Variants in PRKAA2 observed in about 807,000 individuals in gnomAD.
The protein encoded by PRKAA2 is protein kinase AMP-activated catalytic subunit alpha 2.
PRKAA2 carries 40 observed loss-of-function variants against 56.3 expected under a neutral mutation model. The ratio of observed to expected loss-of-function variants is 0.71; its 90% CI spans 0.55 to 0.92. The LOEUF (loss-of-function observed/expected upper bound fraction) is 0.92, where lower values mean the gene tolerates loss of function less well. PRKAA2 is among the 40% of genes least tolerant of loss of function. PRKAA2 has a pLI of 0.00. For synonymous variants in PRKAA2, 214 were observed against 234.2 expected, an observed-to-expected ratio of 0.91 and a Z score of 0.79; for missense variants, 542 against 686.9, an observed-to-expected ratio of 0.79 and a Z score of 2.36.
chr1:56,685,688 G>C (rs772161997), intron 2 of PRKAA2, among the ~76,000 whole-genome samples: 8 of 152,134 alleles, frequency 5.3e-5, no homozygotes, highest in Non-Finnish European at 1.0e-4. Flanking sequence ...GAGTGGGTTA[G>C]AAATTGTGCA....
intron 1 of PRKAA2, among the ~76,000 whole-genome samples, chr1:56,647,757 C>T (rs1251161670): frequency 6.6e-6 from 1 of 151,170 alleles, no homozygotes; most frequent in Non-Finnish European, 1.5e-5. Context: ...TGGTTGGGCA[C>T]TGTGGCTCAC....
At chr1:56,680,307 C>T (rs1256693385) in intron 2 of PRKAA2, among the ~76,000 whole-genome samples, 1 of 152,030 alleles carries the variant, frequency 6.6e-6, no homozygotes, top group Non-Finnish European at 1.5e-5. Context: ...TGGTATTTCC[C>T]ACAAGACTGA....
intron 2 of PRKAA2, among the ~76,000 whole-genome samples, chr1:56,676,175 C>T (rs1644111874): frequency 6.6e-6 from 1 of 152,050 alleles, no homozygotes; most frequent in African/African-American, 2.4e-5. Flanking sequence ...TCCTAATTCC[C>T]AGAATTTGTG....
At chr1:56,664,813 C>T (rs1383357380) in intron 1 of PRKAA2, among the ~76,000 whole-genome samples, 1 of 149,128 alleles carries the variant, frequency 6.7e-6, no homozygotes, top group Non-Finnish European at 1.5e-5. Context: ...GTGCTTAATG[C>T]ATTTATATAC....
At chr1:56,672,060 A>G (rs1644080900) in intron 1 of PRKAA2, among the ~76,000 whole-genome samples, 1 of 152,174 alleles carries the variant, frequency 6.6e-6, no homozygotes, top group Non-Finnish European at 1.5e-5. Flanking sequence ...CAAGTGAAAT[A>G]GAAGACACAA....
chr1:56,656,346 G>A (rs962010185), intron 1 of PRKAA2, among the ~76,000 whole-genome samples: 3 of 152,046 alleles, frequency 2.0e-5, no homozygotes, highest in African/African-American at 4.8e-5. Context: ...GTAACCCCAG[G>A]TTTACCTTCT....
chr1:56,687,433 A>G (rs967758020), intron 2 of PRKAA2, among the ~76,000 whole-genome samples: 7 of 152,128 alleles, frequency 4.6e-5, no homozygotes, highest in African/African-American at 1.7e-4. Flanking sequence ...ATGTACATAT[A>G]TAAACTGTAT....
chr1:56,694,789 T>A (rs1380816459), intron 5 of PRKAA2, among the ~76,000 whole-genome samples: 1 of 151,988 alleles, frequency 6.6e-6, no homozygotes, highest in Admixed American at 6.6e-5. Flanking sequence ...TTTCAACACA[T>A]GAATTTTGAG....
Position 56,696,094 on chromosome 1 carries a change from C to A in PRKAA2, c.723C>A (p.Val241=). The A allele has an allele frequency of 6.2e-7, 1 of 1,613,308 alleles. No homozygotes were observed. Among genetic ancestry groups the A allele is most frequent in the East Asian group, 2.2e-5 (1 of 44,854 alleles). ...TCCCAGAATATCTCAATCGTTCTGT[C>A]GCCACTCTCCTGATGCATATGCTGC... ...FYIPEYLNRS[V]ATLLMHMLQV... The change falls in exon 6 of 9, where the codon GTC becomes GTA. Residue 241 remains valine (V), a synonymous_variant. Coordinates refer to ENST00000371244, the MANE Select transcript of PRKAA2 (RefSeq NM_006252.4).
rs568071945 is a variant in PRKAA2 at position 56,707,506 on chromosome 1, A to C, written c.1452A>C (p.Ser484=). Residue 484 remains serine, a synonymous_variant, in exon 9 of 9, where the codon TCA becomes TCC. Transcript: ENST00000371244. ...TAGTGGAGCAGAGATCTGGTTCCTC[A>C]ACACCTCAGCGTTCCTGTTCTGCTG... ...DEVVEQRSGS[S]TPQRSCSAAG... is the part of the protein sequence containing the mutation. 1.2e-6 allele frequency: 2 copies of C among 1,614,152 alleles called. No individual in the cohort carries two copies. Among genetic ancestry groups the C allele is most frequent in the Admixed American group, 1.7e-5 (1 of 60,020 alleles).
In PRKAA2 at chr1:56,653,552, A is replaced by G. The variant is rs112620187; in HGVS notation, c.94+8071A>G. On this transcript the variant is annotated intron_variant, in intron 1 of 8. Transcript: ENST00000371244. ...AATCTGTAAAAATGGGAATAATACC[A>G]TATGTTCTCTTCTAGTGTTGTGAGA... is the stretch of plus-strand genomic sequence containing the variant. 3.1e-3 allele frequency among the ~76,000 whole-genome samples: 473 copies of G among 152,248 alleles called. 2 individuals are homozygous for G. The highest frequency in any genetic ancestry group is 0.01 in the African/African-American group (433 of 41,572).
intron 2 of PRKAA2, among the ~76,000 whole-genome samples, chr1:56,685,822 A>C (rs72668317): frequency 0.028 from 4,218 of 152,288 alleles, 112 homozygotes; most frequent in East Asian, 0.12. Flanking sequence ...GCAACCTATA[A>C]ATTAGAAGAG....
At chr1:56,650,956 A>G (rs1646682629) in intron 1 of PRKAA2, among the ~76,000 whole-genome samples, 1 of 152,256 alleles carries the variant, frequency 6.6e-6, no homozygotes, top group African/African-American at 2.4e-5. Context: ...GTCCTAAATG[A>G]TAAATCAAAT....
chr1:56,693,461 T>C (rs1306824286), intron 4 of PRKAA2, among the ~76,000 whole-genome samples: 1 of 152,150 alleles, frequency 6.6e-6, no homozygotes, highest in East Asian at 1.9e-4. Context: ...AATATTTTGA[T>C]GTTTTCATGT....
intron 2 of PRKAA2, among the ~76,000 whole-genome samples, chr1:56,690,485 A>G (rs1333596780): frequency 6.6e-6 from 1 of 152,036 alleles, no homozygotes; most frequent in Non-Finnish European, 1.5e-5. Context: ...ATCTTAATTA[A>G]AATAATTAAC....
Position 56,692,397 on chromosome 1 carries a change from C to G in PRKAA2, c.370C>G (p.Leu124Val), listed in dbSNP as rs763930816. ...AGCCAGGCGGCTCTTTCAGCAGATT[C>G]TGTCTGCTGTGGATTACTGTCATAG... ...MEARRLFQQILSAVDYCHRHM... is the reference protein window; with the variant it reads ...MEARRLFQQIVSAVDYCHRHM... Residue 124 changes from leucine to valine, a missense_variant, in exon 4 of 9, where the codon CTG becomes GTG. By Grantham distance (32) the Leu-to-Val change is conservative. Coordinates refer to ENST00000371244, the MANE Select transcript of PRKAA2 (RefSeq NM_006252.4). 8 of 1,613,922 alleles carry G rather than the reference C, an allele frequency of 5.0e-6. No individual in the cohort carries two copies. The highest frequency in any genetic ancestry group is 6.8e-6 in the Non-Finnish European group (8 of 1,179,824).
At chr1:56,702,383 T>A (rs962954542) in intron 6 of PRKAA2, among the ~76,000 whole-genome samples, 9 of 152,236 alleles carry the variant, frequency 5.9e-5, no homozygotes, top group African/African-American at 1.9e-4. Context: ...GCGCCCAGCA[T>A]CATTTTTATC....
At chr1:56,664,855 TACAC>T (rs67041631) in intron 1 of PRKAA2, among the ~76,000 whole-genome samples, 3,079 of 139,910 alleles carry the variant, frequency 0.022, 82 homozygotes, top group African/African-American at 0.067. Context: ...AGTATATGTG[TACAC>T]ACACACACAC....
intron 6 of PRKAA2, 95 bp from the exon 7 acceptor site, chr1:56,703,876 T>G: frequency 7.3e-7 from 1 of 1,373,978 alleles, no homozygotes; most frequent in Non-Finnish European, 9.9e-7. Context: ...AGAGACCAGA[T>G]CTTTTGATTA....
Sources: allele counts gnomAD v4.1 joint callset (sites outside exome capture counted in the v4.1 genomes callset), GRCh38; gene constraint gnomAD v4.1.1; transcripts MANE v1.5; gene names NCBI Gene and HGNC (gene_info 2026-07-23, HGNC 2026-07-21).